Variants in CCT2 observed in about 807,000 individuals in gnomAD.
CCT2 encodes T-complex protein 1 subunit beta.
In CCT2, 18 loss-of-function variants were observed where a neutral mutation model predicts 61.8. That is an observed-to-expected ratio of 0.29 (90% CI 0.20 to 0.43). CCT2 has a LOEUF of 0.43. CCT2 is among the 20% of genes least tolerant of loss of function. The pLI is 1.00. For synonymous variants in CCT2, 248 were observed against 215.9 expected (o/e 1.15, Z -1.30); for missense variants, 556 against 656.9 (o/e 0.85, Z 1.68).
rs767119403 is a variant in CCT2, at chr12:69,598,030, G to C, written c.1294G>C (p.Glu432Gln). 1.2e-5 allele frequency: 20 copies of C among 1,613,982 alleles called. No homozygotes were observed. Among genetic ancestry groups the C allele is most frequent in the Admixed American group, 1.7e-5 (1 of 60,016 alleles). ...TQLANRTPGK[E>Q]AVAMESYAKA... ...GCTTGCCAATAGAACACCAGGCAAA[G>C]AAGCTGTTGCAATGGAGTCTTATGC... The change falls in exon 13 of 16, where the codon GAA becomes CAA. Residue 432 changes from glutamate to glutamine, a missense_variant. By Grantham distance (29) the Glu-to-Gln change is conservative. This residue lies in a region of CCT2 where 225 missense variants were observed against 249.8 expected (regional missense o/e 0.90). Coordinates refer to ENST00000299300, the MANE Select transcript of CCT2 (RefSeq NM_006431.3).
Position 69,588,217 on chromosome 12 carries a change from C to T in CCT2, c.401C>T (p.Thr134Met), listed in dbSNP as rs563962174. 15 of 1,614,074 alleles carry T rather than the reference C, an allele frequency of 9.3e-6. No homozygotes were observed. The highest frequency in any genetic ancestry group is 6.7e-5 in the African/African-American group (5 of 75,036). Residue 134 changes from threonine (T) to methionine (M), a missense_variant, in exon 6 of 16, where the codon ACG becomes ATG. By Grantham distance (81) the Thr-to-Met change is moderately conservative. Coordinates refer to ENST00000299300, the MANE Select transcript of CCT2 (RefSeq NM_006431.3). ...ATCATAGCGGGTTGGAGAGAAGCCACGAAGGCTGCAAGAGAGGCGCTGTTG... is the reference window on the plus strand; with the variant it reads ...ATCATAGCGGGTTGGAGAGAAGCCATGAAGGCTGCAAGAGAGGCGCTGTTG... ...QTIIAGWREA[T>M]KAAREALLSS...
intron 7 of CCT2, 152 bp downstream of exon 7, chr12:69,589,839 T>G (rs576652317): frequency 1.6e-6 from 1 of 636,512 alleles, no homozygotes; most frequent in Non-Finnish European, 2.7e-6. Flanking sequence ...GTCATTTTAT[T>G]GACAGTGTAC....
chr12:69,600,891 A>G (rs1882128837), intron 15 of CCT2, among the ~76,000 whole-genome samples: 1 of 152,210 alleles, frequency 6.6e-6, no homozygotes, highest in Non-Finnish European at 1.5e-5. Context: ...TTGTATGGTC[A>G]TCAAAGAATA....
chr12:69,586,658 A>G (rs1167303185), intron 2 of CCT2, 95 bp from the exon 3 acceptor site: 1 of 901,890 alleles, frequency 1.1e-6, no homozygotes, highest in Non-Finnish European at 1.7e-6. Flanking sequence ...ACAGAGCGAC[A>G]CTCTGCCTCA....
intron 7 of CCT2, 165 bp downstream of exon 7, chr12:69,589,852 C>CCTG: frequency 1.6e-6 from 1 of 611,146 alleles, no homozygotes; most frequent in South Asian, 2.0e-5. Context: ...CAGTGTACTC[C>CCTG]TCTTCCCGCG....
intron 3 of CCT2, chr12:69,587,147 G>T: frequency 3.1e-6 from 1 of 319,196 alleles, no homozygotes; most frequent in South Asian, 9.8e-5. Context: ...TTTGTAGCTT[G>T]CTCTTTTAAA....
chr12:69,596,731 T>A (rs865839018), intron 10 of CCT2, among the ~76,000 whole-genome samples: 1 of 152,194 alleles, frequency 6.6e-6, no homozygotes. Context: ...CTTAGTCTTA[T>A]AGGTTGGATT....
At chr12:69,594,534 A>G (rs1400999661) in intron 10 of CCT2, among the ~76,000 whole-genome samples, 40 of 152,232 alleles carry the variant, frequency 2.6e-4, no homozygotes, top group Non-Finnish European at 7.3e-5. Context: ...TTGTGTTTAT[A>G]AATCAGACAT....
chr12:69,590,101 C>CA (rs537054178), intron 7 of CCT2, among the ~76,000 whole-genome samples: 15 of 152,324 alleles, frequency 9.8e-5, no homozygotes, highest in African/African-American at 3.4e-4. Context: ...TATGTAGGTT[C>CA]ACAATGCAGG....
intron 1 of CCT2, 87 bp from the exon 2 acceptor site, chr12:69,586,183 C>T: frequency 1.7e-6 from 2 of 1,160,642 alleles, no homozygotes; most frequent in Non-Finnish European, 2.6e-6. Context: ...TCTTAGATGT[C>T]CACTTGTAAG....
At chr12:69,585,641 G>T in intron 1 of CCT2, 117 bp downstream of exon 1, 1 of 1,542,522 alleles carries the variant, frequency 6.5e-7, no homozygotes. Flanking sequence ...CCGGCCCTCC[G>T]CACATGGTGC....
intron 11 of CCT2, 117 bp downstream of exon 11, chr12:69,597,392 C>A: frequency 7.9e-7 from 1 of 1,265,030 alleles, no homozygotes; most frequent in Non-Finnish European, 1.1e-6. Flanking sequence ...TCTTCAGAAG[C>A]ATGATACATA....
intron 14 of CCT2, 180 bp from the exon 15 acceptor site, chr12:69,599,683 G>T (rs1453470249): frequency 2.3e-6 from 1 of 432,908 alleles, no homozygotes; most frequent in Non-Finnish European, 4.0e-6. Context: ...CGCTGCACCC[G>T]GCCCCTTTTA....
At chr12:69,600,902 A>C (rs1446895253) in intron 15 of CCT2, among the ~76,000 whole-genome samples, 1 of 152,234 alleles carries the variant, frequency 6.6e-6, no homozygotes, top group Non-Finnish European at 1.5e-5. Flanking sequence ...TCAAAGAATA[A>C]AAGATGAGAA....
chr12:69,598,105 G>A (rs1223955391), intron 13 of CCT2, 34 bp downstream of exon 13: 4 of 1,475,048 alleles, frequency 2.7e-6, no homozygotes, highest in Non-Finnish European at 3.8e-6. Context: ...CCGAACTTAA[G>A]TTTTGTGGTT....
Position 69,597,778 on chromosome 12 carries a change from G to T in CCT2, c.1231+12G>T. On this transcript the variant is annotated intron_variant, in intron 12 of 15. Coordinates refer to ENST00000299300, the MANE Select transcript of CCT2 (RefSeq NM_006431.3). The stretch of plus-strand genomic sequence containing the variant: ...AGTTTATGGAGGAGGTAAGCATTTA[G>T]AAAATGTTGAATATATTTTTAATTT... 1 of 1,596,000 alleles carries T rather than the reference G, an allele frequency of 6.3e-7. No homozygotes were observed. Among genetic ancestry groups the T allele is most frequent in the Non-Finnish European group, 8.5e-7 (1 of 1,169,662 alleles).
At chr12:69,592,712 C>T in intron 8 of CCT2, 1 of 294,182 alleles carries the variant, frequency 3.4e-6, no homozygotes, top group East Asian at 7.7e-5. Flanking sequence ...ATCACAAGGT[C>T]AGGAGTTCAA....
intron 6 of CCT2, 157 bp from the exon 7 acceptor site, chr12:69,589,328 T>A: frequency 1.6e-6 from 1 of 615,870 alleles, no homozygotes; most frequent in Admixed American, 3.1e-5. Flanking sequence ...AATAACATCT[T>A]TAATTTGTGT....
intron 6 of CCT2, among the ~76,000 whole-genome samples, chr12:69,588,640 G>T (rs942136145): frequency 1.6e-4 from 25 of 152,204 alleles, no homozygotes; most frequent in Admixed American, 1.6e-3. Flanking sequence ...TCTGTAGGGG[G>T]AGATTTGTGT....
Sources: gnomAD v4.1 joint callset for allele counts (sites outside exome capture counted in the v4.1 genomes callset) on GRCh38, gnomAD v4.1.1 for gene constraint, gnomAD v4.1.1 regional missense constraint, MANE v1.5 for transcripts, NCBI Gene and HGNC (gene_info 2026-07-23, HGNC 2026-07-21) for gene names.